Variants in MYH16 observed in about 807,000 individuals in gnomAD.
MYH16 encodes myosin heavy chain 16.
intron 23 of MYH16, among the ~76,000 whole-genome samples, chr7:99,281,396 A>C (rs1282696622): frequency 2.7e-5 from 4 of 145,920 alleles, no homozygotes; most frequent in Non-Finnish European, 5.9e-5. Context: ...CATCTCTACA[A>C]AAAAAAAATA....
chr7:99,305,427 C>G (rs1183541503), intron 40 of MYH16, among the ~76,000 whole-genome samples: 2 of 152,188 alleles, frequency 1.3e-5, no homozygotes, highest in Non-Finnish European at 2.9e-5. Flanking sequence ...AATGCCAGAG[C>G]TGGAAGGGCC....
intron 29 of MYH16, 36 bp downstream of exon 10, chr7:99,288,173 C>G: frequency 2.2e-6 from 1 of 453,656 alleles, no homozygotes; most frequent in Non-Finnish European, 4.4e-6. Flanking sequence ...CGCAGTGGCT[C>G]ACTCCTGTAA....
chr7:99,277,930 A>T (rs1792140043), intron 21 of MYH16, among the ~76,000 whole-genome samples: 1 of 133,278 alleles, frequency 7.5e-6, no homozygotes. Flanking sequence ...AGAGAGAGAG[A>T]GAGAGAGACA....
At chr7:99,247,346 C>T (rs544900177) in intron 2 of MYH16, among the ~76,000 whole-genome samples, 31 of 152,282 alleles carry the variant, frequency 2.0e-4, no homozygotes, top group South Asian at 1.9e-3. Flanking sequence ...CTAATTGTTT[C>T]GTCCTTTTGG....
intron 19 of MYH16, among the ~76,000 whole-genome samples, chr7:99,271,326 T>C (rs1792043534): frequency 6.6e-6 from 1 of 152,158 alleles, no homozygotes; most frequent in Admixed American, 6.5e-5. Flanking sequence ...CTGGCCAACA[T>C]GGTGAAACCC....
chr7:99,241,370 G>A (rs934086086), intron 1 of MYH16, among the ~76,000 whole-genome samples: 3 of 152,164 alleles, frequency 2.0e-5, no homozygotes, highest in Non-Finnish European at 4.4e-5. Context: ...ATCACCTGAG[G>A]TCAGGAGTTT....
chr7:99,289,192 C>A (rs953295043), intron 29 of MYH16, 95 bp from the exon 11 acceptor site: 9 of 215,210 alleles, frequency 4.2e-5, no homozygotes, highest in African/African-American at 1.9e-4. Flanking sequence ...CTGGGAGGCA[C>A]ACAGGAAGAA....
intron 2 of MYH16, among the ~76,000 whole-genome samples, chr7:99,245,033 A>G (rs1791712011): frequency 6.6e-6 from 1 of 152,208 alleles, no homozygotes; most frequent in Admixed American, 6.5e-5. Context: ...CCATGATCCC[A>G]GCTGCTTCTC....
chr7:99,260,282 T>A (rs557058827), exon 12 of MYH16: 1 of 1,569,948 alleles, frequency 6.4e-7, no homozygotes, highest in East Asian at 2.3e-5. Flanking sequence ...ATCGAGTGGG[T>A]CTTCATCGAC....
chr7:99,241,921 C>A (rs1791672068), intron 1 of MYH16, among the ~76,000 whole-genome samples: 1 of 151,416 alleles, frequency 6.6e-6, no homozygotes. Context: ...AGTGCAGCGG[C>A]ATGATCTCCG....
At chr7:99,264,154 A>G (rs996006375) in intron 14 of MYH16, 2 of 152,668 alleles carry the variant, frequency 1.3e-5, no homozygotes, top group Non-Finnish European at 2.9e-5. Flanking sequence ...GCCTTTTTAA[A>G]TCCAAAGAAT....
exon 29 of MYH16, chr7:99,288,027 CA>C (rs1792308296): frequency 2.2e-6 from 1 of 456,602 alleles, no homozygotes; most frequent in Non-Finnish European, 4.4e-6. Context: ...GCTGACGGAG[CA>C]TGTGGAGAGC....
chr7:99,309,293 G>A (rs1219244934), downstream of MYH16, among the ~76,000 whole-genome samples: 1 of 152,188 alleles, frequency 6.6e-6, no homozygotes, highest in Non-Finnish European at 1.5e-5. Context: ...TGTTGAATCA[G>A]CCCCTAGTGA....
chr7:99,303,448 A>T (rs1159224724), intron 39 of MYH16, among the ~76,000 whole-genome samples: 1 of 152,270 alleles, frequency 6.6e-6, no homozygotes, highest in Non-Finnish European at 1.5e-5. Context: ...GGGGTCTTGC[A>T]TCAAAGAAGC....
At chr7:99,292,207 C>T in intron 31 of MYH16, 105 bp from the exon 13 acceptor site, 1 of 358,636 alleles carries the variant, frequency 2.8e-6, no homozygotes, top group South Asian at 2.0e-5. Flanking sequence ...TTCTTTTCCC[C>T]CTTTCGCCTG....
intron 38 of MYH16, among the ~76,000 whole-genome samples, chr7:99,302,830 GTGAT>G (rs1348746136): frequency 6.6e-6 from 1 of 151,206 alleles, no homozygotes. Context: ...GCAGTGAGCT[GTGAT>G]TGCACAACTG....
At chr7:99,298,621 G>A (rs903661809) in intron 36 of MYH16, among the ~76,000 whole-genome samples, 1 of 152,144 alleles carries the variant, frequency 6.6e-6, no homozygotes, top group African/African-American at 2.4e-5. Flanking sequence ...GTATATCTTC[G>A]GAGAAAAGTC....
rs575477628 is a variant in MYH16, at chr7:99,266,776, C to T, written n.2146-78C>T. On this transcript the variant is annotated intron_variant and non_coding_transcript_variant, in intron 17 of 41. Coordinates refer to ENST00000439784, the Ensembl canonical transcript of MYH16. The stretch of plus-strand genomic sequence containing the variant: ...GTCCAAAGTCCATCTCAAAGACCAG[C>T]GGATAACCGCATGAACATGTTTTAT... 19 of 152,794 alleles carry T rather than the reference C, an allele frequency of 1.2e-4. No homozygotes were observed. In the East Asian group the frequency reaches 1.3e-3, roughly 11 times the overall value. 9.5% of individuals were successfully genotyped at this position (152,794 alleles called of 1,614,324 possible).
At chr7:99,256,568 G>T (rs1445593965) in intron 9 of MYH16, among the ~76,000 whole-genome samples, 1 of 152,206 alleles carries the variant, frequency 6.6e-6, no homozygotes, top group Non-Finnish European at 1.5e-5. Flanking sequence ...GAGGTCAGGA[G>T]TTCAAGACCA....
Sources: allele counts gnomAD v4.1 joint callset (sites outside exome capture counted in the v4.1 genomes callset), GRCh38; gene constraint gnomAD v4.1.1; transcripts MANE v1.5; gene names NCBI Gene and HGNC (gene_info 2026-07-23, HGNC 2026-07-21).